The following ERBB4 variants were observed in gnomAD, a reference collection of about 807,000 sequenced individuals.
ERBB4 encodes the protein erb-b2 receptor tyrosine kinase 4, also known as receptor tyrosine-protein kinase erbB-4.
ERBB4 carries 42 observed loss-of-function variants against 158.0 expected under a neutral mutation model. That is an observed-to-expected ratio of 0.27 (90% CI 0.21 to 0.34). The LOEUF (loss-of-function observed/expected upper bound fraction) is 0.34. ERBB4 is among the 10% of genes least tolerant of loss of function. The pLI is 1.00. For synonymous variants in ERBB4, 583 were observed against 558.7 expected (o/e 1.04, Z -0.61); for missense variants, 1,333 against 1,624.1 (o/e 0.82, Z 3.08).
intron 5 of ERBB4, among the ~76,000 whole-genome samples, chr2:211,730,267 A>G (rs981185505): frequency 3.3e-5 from 5 of 152,004 alleles, no homozygotes; most frequent in Admixed American, 6.6e-5. Context: ...TTAAATATTT[A>G]TTGTTGCTTC....
At chr2:212,259,809 C>A (rs1317100611) in intron 1 of ERBB4, among the ~76,000 whole-genome samples, 3 of 152,118 alleles carry the variant, frequency 2.0e-5, no homozygotes, top group Non-Finnish European at 4.4e-5. Context: ...GTGGCTCACG[C>A]TTGTAATCCC....
rs562036645 is a variant in ERBB4, at chr2:212,004,528, C to A, written c.235-56912G>T. 3.3e-5 allele frequency among the ~76,000 whole-genome samples: 5 copies of A among 152,270 alleles called. No homozygotes were observed. The South Asian group carries it at 1.0e-3, about 32-fold the overall frequency. On this transcript the variant is annotated intron_variant, in intron 2 of 27. Transcript: ENST00000342788. The stretch of plus-strand genomic sequence containing the variant: ...ATTGGGTTTGCAATAAGTCTGCCAA[C>A]TGATTTCTAGGGAATGATTTCTAAG...
chr2:211,528,685 G>C (rs544301266), intron 20 of ERBB4, among the ~76,000 whole-genome samples: 1 of 151,956 alleles, frequency 6.6e-6, no homozygotes, highest in East Asian at 1.9e-4. Flanking sequence ...AATAAAACTA[G>C]ACATGAATAA....
At chr2:212,211,629 A>AAAAAAAACC (rs148929858) in intron 1 of ERBB4, among the ~76,000 whole-genome samples, 1 of 148,492 alleles carries the variant, frequency 6.7e-6, no homozygotes, top group Admixed American at 6.7e-5. Flanking sequence ...AAAAAAAAAA[A>AAAAAAAACC]TGGATACATG....
chr2:211,469,609 G>T (rs2064782409), intron 20 of ERBB4, among the ~76,000 whole-genome samples: 1 of 152,140 alleles, frequency 6.6e-6, no homozygotes, highest in South Asian at 2.1e-4. Flanking sequence ...CATAAGAGTG[G>T]TTAAGAACTG....
chr2:211,629,845 T>C (rs1039293760), intron 17 of ERBB4, among the ~76,000 whole-genome samples: 10 of 152,212 alleles, frequency 6.6e-5, no homozygotes, highest in Non-Finnish European at 1.5e-4. Flanking sequence ...GCTAGCCATA[T>C]GTAGAAATCT....
intron 1 of ERBB4, among the ~76,000 whole-genome samples, chr2:212,352,020 G>C (rs1229087624): frequency 1.3e-5 from 2 of 152,150 alleles, no homozygotes; most frequent in African/African-American, 2.4e-5. Flanking sequence ...TTTGTGGCAA[G>C]ATGAATGGAG....
intron 1 of ERBB4, among the ~76,000 whole-genome samples, chr2:212,376,376 CAAGGCATTTTGCTTCTTGACTTTCCGG>C (rs1226355624): frequency 3.3e-5 from 5 of 152,126 alleles, no homozygotes; most frequent in Admixed American, 1.3e-4. Context: ...TTGGGATGCT[CAAGGCATTTTGCTTCTTGACTTTCCGG>C]AAGGCATTTT....
chr2:211,562,800 C>G (rs2067436742), intron 19 of ERBB4, among the ~76,000 whole-genome samples: 1 of 111,074 alleles, frequency 9.0e-6, no homozygotes, highest in Non-Finnish European at 1.8e-5. Context: ...GAGACGGAGT[C>G]TCGCTCTGTC....
chr2:211,822,219 T>A lies in ERBB4; in HGVS notation c.422-34060A>T, dbSNP rs570035947. 3.3e-5 allele frequency among the ~76,000 whole-genome samples: 5 copies of A among 152,044 alleles called. No individual in the cohort carries two copies. In the South Asian group the frequency reaches 1.0e-3, roughly 32 times the overall value. ...ATTACAGCTAGATAGCAGGGATAAA[T>A]TCTACTGTTCTACAGCACTGTAGGA... is the stretch of plus-strand genomic sequence containing the variant. On this transcript the variant is annotated intron_variant, in intron 3 of 27. Transcript: ENST00000342788.
intron 12 of ERBB4, among the ~76,000 whole-genome samples, chr2:211,680,177 G>A (rs1374243250): frequency 6.6e-6 from 1 of 152,158 alleles, no homozygotes; most frequent in Non-Finnish European, 1.5e-5. Flanking sequence ...TTTTGTTGTT[G>A]TTGATGGCAG....
At chr2:211,752,296 A>G (rs957708160) in intron 4 of ERBB4, among the ~76,000 whole-genome samples, 1 of 152,140 alleles carries the variant, frequency 6.6e-6, no homozygotes, top group African/African-American at 2.4e-5. Flanking sequence ...AAACTTTTTT[A>G]TGAGAAAGTA....
chr2:211,421,245 G>A (rs1177622712), intron 24 of ERBB4, among the ~76,000 whole-genome samples: 1 of 151,656 alleles, frequency 6.6e-6, no homozygotes, highest in Non-Finnish European at 1.5e-5. Flanking sequence ...AACTAATTTT[G>A]GGGAAAAAAT....
chr2:212,086,755 G>C (rs1033899023), intron 2 of ERBB4, among the ~76,000 whole-genome samples: 1 of 152,040 alleles, frequency 6.6e-6, no homozygotes, highest in Admixed American at 6.6e-5. Context: ...TAAAGCAACG[G>C]CTTCCCCTTA....
At chr2:212,498,683 A>G (rs564339370) in intron 1 of ERBB4, among the ~76,000 whole-genome samples, 13 of 152,206 alleles carry the variant, frequency 8.5e-5, no homozygotes, top group African/African-American at 2.6e-4. Flanking sequence ...ATATTTAGAC[A>G]TTTTGGGAAA....
intron 3 of ERBB4, among the ~76,000 whole-genome samples, chr2:211,817,747 T>G (rs1278429943): frequency 1.3e-5 from 2 of 152,142 alleles, no homozygotes; most frequent in Non-Finnish European, 2.9e-5. Context: ...ATTTTGCCTT[T>G]AAAGGTAAGA....
At chr2:211,712,856 TA>T (rs2073754904) in intron 8 of ERBB4, among the ~76,000 whole-genome samples, 2 of 151,992 alleles carry the variant, frequency 1.3e-5, no homozygotes, top group Admixed American at 6.6e-5. Context: ...CATCTAAAAG[TA>T]AGTGTGGAGT....
intron 18 of ERBB4, among the ~76,000 whole-genome samples, chr2:211,622,992 TATATATATATATATATATATA>T (rs2069679744): frequency 1.5e-4 from 1 of 6,456 alleles, no homozygotes; most frequent in Non-Finnish European, 2.3e-4. Context: ...AAAAAAAAAA[TATATATATATATATATATATA>T]TATATATATA....
In ERBB4 at chr2:211,383,933, C is replaced by A. The variant is rs2062628364; in HGVS notation, c.3609G>T (p.Val1203=). ...NGPPKAEDEY[V]NEPLYLNTFA... ...AGGTGTTGAGGTACAGTGGCTCATT[C>A]ACATACTCATCCTCGGCCTTGGGTG... Residue 1203 remains valine, a synonymous_variant, in exon 28 of 28, where the codon GTG becomes GTT. Coordinates refer to ENST00000342788, the MANE Select transcript of ERBB4 (RefSeq NM_005235.3). 6.2e-7 allele frequency: 1 copy of A among 1,613,920 alleles called. No homozygotes were observed. Among genetic ancestry groups the A allele is most frequent in the African/African-American group, 1.3e-5 (1 of 74,870 alleles).
Sources: gnomAD v4.1 joint callset for allele counts (sites outside exome capture counted in the v4.1 genomes callset) on GRCh38, gnomAD v4.1.1 for gene constraint, MANE v1.5 for transcripts, NCBI Gene and HGNC (gene_info 2026-07-23, HGNC 2026-07-21) for gene names.